ADGRB3: variants seen among roughly 807,000 people sequenced by gnomAD.
The protein encoded by ADGRB3 is adhesion G protein-coupled receptor B3, also known as brain-specific angiogenesis inhibitor 3.
In ADGRB3, 37 loss-of-function variants were observed where a neutral mutation model predicts 193.4. That is an observed-to-expected ratio of 0.19 (90% CI 0.15 to 0.25). ADGRB3 has a LOEUF of 0.25. Ranked by LOEUF, ADGRB3 falls within the 10% of genes least tolerant of loss-of-function variation. The probability of loss-of-function intolerance (pLI) is 1.00; values close to 1 mark genes in which losing one functional copy is unlikely to be tolerated. For missense variants in ADGRB3, 1,637 were observed against 1,852.9 expected (o/e 0.88, Z 2.14); for synonymous variants, 690 against 644.2 (o/e 1.07, Z -1.08).
At chr6:69,017,268 C>G (rs1052677140) in intron 12 of ADGRB3, among the ~76,000 whole-genome samples, 1 of 151,854 alleles carries the variant, frequency 6.6e-6, no homozygotes, top group Non-Finnish European at 1.5e-5. Flanking sequence ...TGACTATATG[C>G]TTTTCTATTA....
At chr6:68,668,146 T>G (rs2127292928) in intron 3 of ADGRB3, among the ~76,000 whole-genome samples, 1 of 152,158 alleles carries the variant, frequency 6.6e-6, no homozygotes, top group South Asian at 2.1e-4. Context: ...CTGTAGCAGC[T>G]GCTAGAGCCA....
At chr6:69,275,732 C>G (rs1767288156) in intron 20 of ADGRB3, among the ~76,000 whole-genome samples, 1 of 151,580 alleles carries the variant, frequency 6.6e-6, no homozygotes, top group Non-Finnish European at 1.5e-5. Context: ...ATGCCCAGTA[C>G]TAGGTATAAT....
chr6:69,020,088 G>C (rs968386807), intron 13 of ADGRB3, among the ~76,000 whole-genome samples: 11 of 151,920 alleles, frequency 7.2e-5, no homozygotes, highest in African/African-American at 2.7e-4. Context: ...AGGGTCTTGG[G>C]GCAGATTGGA....
intron 3 of ADGRB3, among the ~76,000 whole-genome samples, chr6:68,779,915 CT>C (rs942714362): frequency 2.0e-5 from 3 of 152,154 alleles, no homozygotes; most frequent in African/African-American, 4.8e-5. Context: ...AGAAGAAACA[CT>C]TTTTTTATCC....
At chr6:69,372,209 A>T (rs1312410524) in intron 29 of ADGRB3, among the ~76,000 whole-genome samples, 197 bp from the exon 30 acceptor site, 1 of 152,074 alleles carries the variant, frequency 6.6e-6, no homozygotes, top group Non-Finnish European at 1.5e-5. Flanking sequence ...GTGAAAATAG[A>T]AAATTGTGAA....
chr6:68,652,042 T>G (rs1768378338), intron 3 of ADGRB3, among the ~76,000 whole-genome samples: 1 of 152,142 alleles, frequency 6.6e-6, no homozygotes, highest in South Asian at 2.1e-4. Flanking sequence ...TGCTTAATTT[T>G]TTTCCATACT....
intron 3 of ADGRB3, among the ~76,000 whole-genome samples, chr6:68,854,912 A>C (rs1241286915): frequency 6.6e-6 from 1 of 152,134 alleles, no homozygotes; most frequent in Non-Finnish European, 1.5e-5. Context: ...ATATTCATGG[A>C]GATCCTATGG....
At chr6:68,703,574 C>T (rs987677925) in intron 3 of ADGRB3, among the ~76,000 whole-genome samples, 1 of 151,738 alleles carries the variant, frequency 6.6e-6, no homozygotes, top group Non-Finnish European at 1.5e-5. Flanking sequence ...CATATGTTTA[C>T]AAAATACCTA....
intron 3 of ADGRB3, among the ~76,000 whole-genome samples, chr6:68,883,738 A>G (rs1169833920): frequency 6.6e-6 from 1 of 152,192 alleles, no homozygotes. Context: ...GAACATGAGA[A>G]GGAACAAACG....
chr6:68,680,451 A>G (rs962947734), intron 3 of ADGRB3, among the ~76,000 whole-genome samples: 1 of 152,194 alleles, frequency 6.6e-6, no homozygotes, highest in African/African-American at 2.4e-5. Flanking sequence ...GCTGAAAGGT[A>G]GGCCCAGCTA....
At chr6:68,941,698 T>G (rs1000993762) in intron 5 of ADGRB3, among the ~76,000 whole-genome samples, 2 of 148,598 alleles carry the variant, frequency 1.3e-5, no homozygotes, top group Non-Finnish European at 2.9e-5. Flanking sequence ...GTTTTTAAAA[T>G]TGGAGGAGAA....
chr6:68,689,944 T>G (rs1765043484), intron 3 of ADGRB3, among the ~76,000 whole-genome samples: 1 of 152,142 alleles, frequency 6.6e-6, no homozygotes, highest in South Asian at 2.1e-4. Context: ...GTCATTCTGG[T>G]CATTATACTC....
chr6:69,216,093 A>T (rs1183791015), intron 17 of ADGRB3, among the ~76,000 whole-genome samples: 2 of 152,186 alleles, frequency 1.3e-5, no homozygotes, highest in African/African-American at 2.4e-5. Context: ...TTTAAATATT[A>T]TAATGGTTTT....
At chr6:68,638,267 A>G (rs1768001243) in intron 2 of ADGRB3, among the ~76,000 whole-genome samples, 1 of 152,250 alleles carries the variant, frequency 6.6e-6, no homozygotes, top group Admixed American at 6.5e-5. Flanking sequence ...AAAAGGTTGT[A>G]TAGACTATAG....
chr6:68,913,527 C>T (rs143524395), intron 3 of ADGRB3, among the ~76,000 whole-genome samples: 14,054 of 152,080 alleles, frequency 0.092, 861 homozygotes, highest in Non-Finnish European at 0.13. Context: ...GACATCCACA[C>T]CAAAAACCCA....
intron 3 of ADGRB3, among the ~76,000 whole-genome samples, chr6:68,715,580 T>A (rs1354966545): frequency 4.0e-5 from 6 of 151,746 alleles, no homozygotes; most frequent in African/African-American, 7.2e-5. Flanking sequence ...TAATCTTCCA[T>A]GATATTTCAA....
chr6:68,940,391 C>G (rs967400403), intron 5 of ADGRB3, among the ~76,000 whole-genome samples: 1 of 151,730 alleles, frequency 6.6e-6, no homozygotes, highest in African/African-American at 2.4e-5. Flanking sequence ...AGTAGCCCCC[C>G]GCTTTCCCCC....
At position 69,314,226 on chromosome 6, in the gene ADGRB3, A is replaced by G. The variant is rs150145469; in HGVS notation, c.2815-10646A>G. 3.8e-4 allele frequency among the ~76,000 whole-genome samples: 57 copies of G among 151,844 alleles called. No individual in the cohort carries two copies. The East Asian group carries it at 0.01, about 27-fold the overall frequency. ...AAATTATGAACATGTTTTCCACTAG[A>G]TGACATCTGTGGAACAGATTTTTTT... On this transcript the variant is annotated intron_variant, in intron 20 of 31. Transcript: ENST00000370598.
chr6:68,641,795 C>T (rs1340647882), intron 3 of ADGRB3, among the ~76,000 whole-genome samples: 1 of 152,036 alleles, frequency 6.6e-6, no homozygotes, highest in African/African-American at 2.4e-5. Context: ...ATGTGAAAAT[C>T]TATTGACCTT....
Sources: gnomAD v4.1 joint callset for allele counts (sites outside exome capture counted in the v4.1 genomes callset) on GRCh38, gnomAD v4.1.1 for gene constraint, MANE v1.5 for transcripts, NCBI Gene and HGNC (gene_info 2026-07-23, HGNC 2026-07-21) for gene names.